Variants in GLG1 observed in about 807,000 individuals in gnomAD.
GLG1 encodes the protein Golgi apparatus protein 1.
A neutral mutation model predicts 160.5 loss-of-function variants in GLG1; 38 were observed. The ratio of observed to expected loss-of-function variants is 0.24; its 90% confidence interval spans 0.18 to 0.31. The LOEUF is 0.31. Ranked by LOEUF, GLG1 falls within the 10% of genes least tolerant of loss-of-function variation. The probability of loss-of-function intolerance (pLI) is 1.00; values close to 1 mark genes in which losing one functional copy is unlikely to be tolerated. For synonymous variants in GLG1, 644 were observed against 543.4 expected, an observed-to-expected ratio of 1.19 and a Z score of -2.57; for missense variants, 1,373 against 1,505.2, an observed-to-expected ratio of 0.91 and a Z score of 1.45.
intron 2 of GLG1, among the ~76,000 whole-genome samples, chr16:74,527,353 G>A (rs1478846346): frequency 6.9e-6 from 1 of 145,294 alleles, no homozygotes; most frequent in Non-Finnish European, 1.5e-5. Context: ...AGATTCAAGT[G>A]ATTCTCACGC....
At position 74,471,321 on chromosome 16, in the gene GLG1, T is replaced by C. The variant is rs769270006; in HGVS notation, c.2116-35A>G. On this transcript the variant is annotated intron_variant, in intron 14 of 25. Transcript: ENST00000422840. ...ACAGCATGCATTTACACTTCATTGG[T>C]AACAATTAATGAACAAAACTTGTAG... 8 of 1,151,052 alleles carry C rather than the reference T, an allele frequency of 7.0e-6. No homozygotes were observed. The East Asian group carries it at 1.9e-4, about 27-fold the overall frequency. The allele number at this position is 1,151,052 out of a possible 1,614,324, so 71.3% of individuals were successfully genotyped here.
intron 1 of GLG1, among the ~76,000 whole-genome samples, chr16:74,560,975 T>C (rs1442809777): frequency 6.6e-6 from 1 of 152,210 alleles, no homozygotes; most frequent in East Asian, 1.9e-4. Context: ...TATTTAAAGG[T>C]TATTTCAAAT....
chr16:74,522,417 G>C (rs946269691), intron 2 of GLG1, among the ~76,000 whole-genome samples: 1 of 152,198 alleles, frequency 6.6e-6, no homozygotes, highest in African/African-American at 2.4e-5. Context: ...GCACTGTCAA[G>C]GTACTGGTAT....
At chr16:74,464,246 C>G (rs2014918197) in intron 19 of GLG1, among the ~76,000 whole-genome samples, 1 of 152,136 alleles carries the variant, frequency 6.6e-6, no homozygotes, top group Non-Finnish European at 1.5e-5. Context: ...TAACACTGTA[C>G]CAGGTGGCTG....
chr16:74,457,797 C>A (rs2014617501), intron 24 of GLG1, 77 bp downstream of exon 24: 2 of 1,376,020 alleles, frequency 1.5e-6, no homozygotes, highest in Non-Finnish European at 1.0e-6. Context: ...ACAGTAGCTG[C>A]AACTGATGTC....
At chr16:74,485,383 AT>A (rs1267704450) in intron 9 of GLG1, among the ~76,000 whole-genome samples, 1 of 152,174 alleles carries the variant, frequency 6.6e-6, no homozygotes, top group African/African-American at 2.4e-5. Flanking sequence ...TGTTTCAAGT[AT>A]TTTCTGATGA....
In GLG1 at chr16:74,529,991, T is replaced by C. The variant is rs1361652174; in HGVS notation, c.471+2130A>G. ...GACGCCTGGCTAATTTTTTTATTTT[T>C]AGTAGAGGGGTTTCACTATGTTGGC... On this transcript the variant is annotated intron_variant, in intron 2 of 25. Coordinates refer to ENST00000422840, the MANE Select transcript of GLG1 (RefSeq NM_001145667.2). Among the ~76,000 whole-genome samples, 8 of 151,876 alleles carry C rather than the reference T, an allele frequency of 5.3e-5. No homozygotes were observed. In the East Asian group the frequency reaches 1.6e-3, roughly 29 times the overall value.
rs1567458586 is a variant in GLG1 at position 74,463,735 on chromosome 16, G to GTTT, written c.2668-257_2668-256insAAA. ...CCCAGCTCATTTTTGTGTTTTTTTT[G>GTTT]TTGTTGTTGTTGTTGTTTTAGCAGA... On this transcript the variant is annotated intron_variant, in intron 19 of 25. Transcript: ENST00000422840. Among the ~76,000 whole-genome samples, 3 of 141,052 alleles carry GTTT rather than the reference G, an allele frequency of 2.1e-5. No homozygotes were observed. The South Asian group carries it at 6.8e-4, about 32-fold the overall frequency. 92.5% of individuals were successfully genotyped at this position (141,052 alleles called of 152,430 possible). A position where few individuals can be genotyped will look rare whatever the true frequency, so the allele number is the denominator to read the frequency against.
intron 5 of GLG1, among the ~76,000 whole-genome samples, chr16:74,496,064 G>A (rs1193939823): frequency 6.6e-6 from 1 of 152,150 alleles, no homozygotes; most frequent in Non-Finnish European, 1.5e-5. Flanking sequence ...AGGGGTTCAA[G>A]ACCAGTCCGG....
At position 74,519,935 on chromosome 16, in the gene GLG1, T is replaced by C. The variant is rs117993273; in HGVS notation, c.472-11010A>G. On this transcript the variant is annotated intron_variant, in intron 2 of 25. Transcript: ENST00000422840. ...AATCATCATGTTGTTAGATACTCAG[T>C]ATTCACATTATTGACTATGTAAAAA... 3.7e-4 allele frequency among the ~76,000 whole-genome samples: 56 copies of C among 152,344 alleles called. No individual in the cohort carries two copies. In the East Asian group the frequency reaches 8.5e-3, roughly 23 times the overall value.
chr16:74,483,164 G>T, intron 9 of GLG1, 40 bp from the exon 10 acceptor site: 1 of 1,152,738 alleles, frequency 8.7e-7, no homozygotes, highest in Non-Finnish European at 1.3e-6. Context: ...AGAGAGAAGT[G>T]TTCAGAACTC....
At chr16:74,518,573 G>C (rs912429730) in intron 2 of GLG1, among the ~76,000 whole-genome samples, 1 of 152,098 alleles carries the variant, frequency 6.6e-6, no homozygotes, top group Non-Finnish European at 1.5e-5. Flanking sequence ...AGGCTTAAAC[G>C]TAAGACCTAG....
At chr16:74,466,409 C>T (rs2015002308) in intron 18 of GLG1, among the ~76,000 whole-genome samples, 1 of 152,178 alleles carries the variant, frequency 6.6e-6, no homozygotes, top group Non-Finnish European at 1.5e-5. Flanking sequence ...ATCTTCCCTT[C>T]CCTAAACCTT....
chr16:74,463,332 AG>A, intron 20 of GLG1, 23 bp downstream of exon 20: 2 of 1,612,076 alleles, frequency 1.2e-6, no homozygotes, highest in Non-Finnish European at 1.7e-6. Flanking sequence ...CCACGGGGCC[AG>A]GAGAGCCAAG....
intron 1 of GLG1, among the ~76,000 whole-genome samples, chr16:74,585,433 C>T (rs556911437): frequency 6.6e-6 from 1 of 152,022 alleles, no homozygotes; most frequent in South Asian, 2.1e-4. Context: ...GAGGCCGGGC[C>T]TGGTGGCTCA....
At chr16:74,482,943 T>C in intron 10 of GLG1, 80 bp downstream of exon 10, 1 of 809,450 alleles carries the variant, frequency 1.2e-6, no homozygotes. Context: ...CTACTGATTA[T>C]TTTAATAAAT....
chr16:74,577,288 A>G (rs895500846), intron 1 of GLG1, among the ~76,000 whole-genome samples: 6 of 152,176 alleles, frequency 3.9e-5, no homozygotes, highest in South Asian at 2.1e-4. Flanking sequence ...TTGGGAGGCC[A>G]CGGCGGGTGG....
intron 19 of GLG1, among the ~76,000 whole-genome samples, chr16:74,464,981 G>A (rs1016047615): frequency 2.0e-5 from 3 of 152,144 alleles, no homozygotes; most frequent in African/African-American, 7.2e-5. Context: ...TGGGACTACA[G>A]GCATGTGCCA....
chr16:74,564,747 A>T (rs2018603106), intron 1 of GLG1, among the ~76,000 whole-genome samples: 1 of 152,234 alleles, frequency 6.6e-6, no homozygotes, highest in Non-Finnish European at 1.5e-5. Context: ...AGGCATCAAT[A>T]GGCTAGACCA....
Sources: allele counts gnomAD v4.1 joint callset (sites outside exome capture counted in the v4.1 genomes callset), GRCh38; gene constraint gnomAD v4.1.1; transcripts MANE v1.5; gene names NCBI Gene and HGNC (gene_info 2026-07-23, HGNC 2026-07-21).